TAFA4: variants seen among roughly 807,000 people sequenced by gnomAD.
TAFA4 encodes the protein chemokine-like protein TAFA-4.
In TAFA4, 20 loss-of-function variants were observed where a neutral mutation model predicts 21.1. That is an observed-to-expected ratio of 0.95 (90% CI 0.67 to 1.38). The LOEUF (loss-of-function observed/expected upper bound fraction) is 1.38. TAFA4 is among the 40% of genes most tolerant of loss of function. The pLI, the probability that TAFA4 is intolerant of heterozygous loss-of-function variation, is 0.00. For missense variants in TAFA4, 211 were observed against 180.9 expected (o/e 1.17, Z -0.95); for synonymous variants, 71 against 67.4 (o/e 1.05, Z -0.26).
At chr3:68,762,391 T>C (rs536602726) in intron 3 of TAFA4, among the ~76,000 whole-genome samples, 6 of 152,090 alleles carry the variant, frequency 3.9e-5, no homozygotes, top group Non-Finnish European at 8.8e-5. Flanking sequence ...ATTTTTAAGA[T>C]GTGGGAAATT....
At position 68,867,023 on chromosome 3, in the gene TAFA4, A is replaced by G. The variant is rs1036673493; in HGVS notation, c.130+13707T>C. The stretch of plus-strand genomic sequence containing the variant: ...AGCAGCAACCTTATTCTGAAAGATA[A>G]TAACAGAAAAATTTCCAAACCTAGA... On this transcript the variant is annotated intron_variant, in intron 3 of 5. Coordinates refer to ENST00000295569, the MANE Select transcript of TAFA4 (RefSeq NM_182522.5). 3.3e-5 allele frequency among the ~76,000 whole-genome samples: 5 copies of G among 152,064 alleles called. No homozygotes were observed. In the East Asian group the frequency reaches 5.8e-4, roughly 18 times the overall value.
At chr3:68,846,289 C>A (rs146042038) in intron 3 of TAFA4, among the ~76,000 whole-genome samples, 3 of 151,878 alleles carry the variant, frequency 2.0e-5, no homozygotes, top group African/African-American at 7.2e-5. Context: ...GATATCCTTT[C>A]TTCTGCTTGA....
intron 4 of TAFA4, among the ~76,000 whole-genome samples, chr3:68,752,589 G>A (rs1023458105): frequency 2.6e-5 from 4 of 152,184 alleles, no homozygotes; most frequent in African/African-American, 9.7e-5. Flanking sequence ...TTTGGTGAGT[G>A]AGATTTGGAG....
Position 68,921,720 on chromosome 3 carries a change from G to T in TAFA4, c.-123+10520C>A, listed in dbSNP as rs890699381. On this transcript the variant is annotated intron_variant, in intron 1 of 5. Coordinates refer to ENST00000295569, the MANE Select transcript of TAFA4 (RefSeq NM_182522.5). ...ATACAGGAACAAAAACGGAATTCCT[G>T]TATGTCACCTGCCGATAGGATTACA... 3.9e-5 allele frequency among the ~76,000 whole-genome samples: 6 copies of T among 152,318 alleles called. 1 individual carries two copies. Among genetic ancestry groups the T allele is most frequent in the Admixed American group, 1.3e-4 (2 of 15,310 alleles).
chr3:68,844,801 G>A (rs1021528365), intron 3 of TAFA4, among the ~76,000 whole-genome samples: 1 of 152,174 alleles, frequency 6.6e-6, no homozygotes, highest in Non-Finnish European at 1.5e-5. Flanking sequence ...GGAGCAGGCT[G>A]TTCAGTTTCC....
chr3:68,789,774 CG>C, intron 3 of TAFA4, among the ~76,000 whole-genome samples: 1 of 152,282 alleles, frequency 6.6e-6, no homozygotes. Flanking sequence ...AAATATCCAT[CG>C]GATGAATTAA....
intron 3 of TAFA4, among the ~76,000 whole-genome samples, chr3:68,817,412 G>C (rs1226492226): frequency 6.6e-6 from 1 of 151,976 alleles, no homozygotes; most frequent in African/African-American, 2.4e-5. Context: ...ATGAGAGCTG[G>C]AATCAACTTC....
intron 3 of TAFA4, among the ~76,000 whole-genome samples, chr3:68,764,617 T>G (rs1010275673): frequency 1.3e-5 from 2 of 152,214 alleles, no homozygotes; most frequent in African/African-American, 4.8e-5. Context: ...TTAGCCTAAT[T>G]CATTTTCGAT....
chr3:68,733,235 C>G, intron 5 of TAFA4, 82 bp from the exon 6 acceptor site: 2 of 1,530,662 alleles, frequency 1.3e-6, no homozygotes, highest in East Asian at 4.6e-5. Context: ...CCAATAAGGT[C>G]CTGACTGTGA....
intron 3 of TAFA4, among the ~76,000 whole-genome samples, chr3:68,782,943 AAAT>A (rs1482536878): frequency 6.6e-6 from 1 of 152,232 alleles, no homozygotes; most frequent in Non-Finnish European, 1.5e-5. Flanking sequence ...CAGTATATAA[AAAT>A]AATAATATGT....
intron 1 of TAFA4, among the ~76,000 whole-genome samples, chr3:68,925,189 G>GATA (rs1317876591): frequency 6.6e-6 from 1 of 152,076 alleles, no homozygotes; most frequent in Admixed American, 6.6e-5. Context: ...TTTGATTTGG[G>GATA]TCCATGGATA....
chr3:68,738,964 G>A (rs1208482138), intron 5 of TAFA4, 111 bp downstream of exon 5: 1 of 1,462,450 alleles, frequency 6.8e-7, no homozygotes, highest in Non-Finnish European at 9.2e-7. Context: ...CACTGCCCAA[G>A]CAGGTTTATT....
intron 1 of TAFA4, among the ~76,000 whole-genome samples, chr3:68,929,498 C>A (rs563182126): frequency 6.6e-6 from 1 of 152,266 alleles, no homozygotes; most frequent in African/African-American, 2.4e-5. Context: ...CTTGCTAATC[C>A]TGAGTGATTT....
chr3:68,864,990 T>C (rs2089397805), intron 3 of TAFA4, among the ~76,000 whole-genome samples: 1 of 152,124 alleles, frequency 6.6e-6, no homozygotes, highest in South Asian at 2.1e-4. Flanking sequence ...CAAAAGAGTA[T>C]AAGGAAACTT....
intron 1 of TAFA4, among the ~76,000 whole-genome samples, chr3:68,914,787 G>A (rs1244824619): frequency 1.3e-5 from 2 of 152,152 alleles, no homozygotes; most frequent in Non-Finnish European, 2.9e-5. Context: ...TTGTCCATGG[G>A]CCAAATCCAG....
intron 3 of TAFA4, among the ~76,000 whole-genome samples, chr3:68,804,133 G>A (rs576341028): frequency 6.6e-6 from 1 of 152,132 alleles, no homozygotes; most frequent in South Asian, 2.1e-4. Context: ...GAAACAAGGT[G>A]TAACCCACTG....
intron 3 of TAFA4, among the ~76,000 whole-genome samples, chr3:68,860,561 A>G (rs1291814321): frequency 6.6e-6 from 1 of 152,120 alleles, no homozygotes; most frequent in African/African-American, 2.4e-5. Context: ...ACTTTGGATT[A>G]AAAGGAAAAC....
rs116094129 is a variant in TAFA4 at position 68,732,915 on chromosome 3, G to A, written c.*227C>T. Reference sequence around the variant, plus strand: ...GGTATGCTCCTTGGGAATCCAGAGAGGATGTCAAATGGGTGGTGGCTTGTG... The same window carrying A: ...GGTATGCTCCTTGGGAATCCAGAGAAGATGTCAAATGGGTGGTGGCTTGTG... On this transcript the variant is annotated 3_prime_UTR_variant, in exon 6 of 6. Transcript: ENST00000295569. 210 of 541,172 alleles carry A rather than the reference G, an allele frequency of 3.9e-4. 1 individual carries two copies. The highest frequency in any genetic ancestry group is 3.6e-3 in the African/African-American group (189 of 52,974). 33.5% of individuals were successfully genotyped at this position (541,172 alleles called of 1,614,324 possible). A position where few individuals can be genotyped will look rare whatever the true frequency, so the allele number is the denominator to read the frequency against.
intron 1 of TAFA4, among the ~76,000 whole-genome samples, chr3:68,886,975 A>T (rs1038513189): frequency 2.6e-5 from 4 of 152,190 alleles, no homozygotes; most frequent in African/African-American, 9.7e-5. Context: ...TACAAAATAT[A>T]TTCATTCCAT....
Sources: gnomAD v4.1 joint callset for allele counts (sites outside exome capture counted in the v4.1 genomes callset) on GRCh38, gnomAD v4.1.1 for gene constraint, MANE v1.5 for transcripts, NCBI Gene and HGNC (gene_info 2026-07-23, HGNC 2026-07-21) for gene names.